The following HPSE2 variants were observed in gnomAD, a reference collection of about 807,000 sequenced individuals.
HPSE2 encodes the protein heparanase 2 (inactive).
HPSE2 carries 38 observed loss-of-function variants against 60.5 expected under a neutral mutation model. The ratio of observed to expected loss-of-function variants is 0.63; its 90% CI spans 0.48 to 0.82. HPSE2 has a LOEUF of 0.82. Among genes scored for constraint, HPSE2 ranks in the 40% least tolerant of loss-of-function variants. HPSE2 has a pLI of 0.00. For synonymous variants in HPSE2, 295 were observed against 293.2 expected (o/e 1.01, Z -0.06); for missense variants, 713 against 740.4 (o/e 0.96, Z 0.43).
chr10:99,120,580 T>C (rs1844910991), intron 3 of HPSE2, among the ~76,000 whole-genome samples: 1 of 152,150 alleles, frequency 6.6e-6, no homozygotes, highest in Non-Finnish European at 1.5e-5. Context: ...TTCAAGTGAT[T>C]CTCCTACCTC....
Position 98,960,610 on chromosome 10 carries a change from C to G in HPSE2, c.610+183628G>C, listed in dbSNP as rs76355590. 5.0e-4 allele frequency among the ~76,000 whole-genome samples: 75 copies of G among 149,860 alleles called. 2 individuals are homozygous for G. In the East Asian group the frequency reaches 0.011, roughly 22 times the overall value. On this transcript the variant is annotated intron_variant, in intron 3 of 11. Transcript: ENST00000370552. ...CCTACTACCCCAAGGCAGAGCTAATCTATCCCTCCTCTATAATTCCACAGC... is the reference window on the plus strand; with the variant it reads ...CCTACTACCCCAAGGCAGAGCTAATGTATCCCTCCTCTATAATTCCACAGC...
At chr10:98,902,876 T>G (rs1448069403) in intron 3 of HPSE2, among the ~76,000 whole-genome samples, 1 of 152,040 alleles carries the variant, frequency 6.6e-6, no homozygotes, top group African/African-American at 2.4e-5. Context: ...GGTGACAAAT[T>G]TCCTCAAATG....
intron 9 of HPSE2, among the ~76,000 whole-genome samples, chr10:98,585,332 C>T (rs1371838706): frequency 4.0e-5 from 6 of 149,386 alleles, no homozygotes; most frequent in African/African-American, 1.5e-4. Flanking sequence ...AGTACAGTGG[C>T]GTGATCTTGG....
chr10:98,653,357 T>G (rs1946969172), intron 6 of HPSE2, among the ~76,000 whole-genome samples: 1 of 152,174 alleles, frequency 6.6e-6, no homozygotes, highest in Non-Finnish European at 1.5e-5. Context: ...GAATGATGAT[T>G]GATATAGTTA....
chr10:98,687,494 C>G (rs772387206), intron 6 of HPSE2, among the ~76,000 whole-genome samples: 1 of 152,184 alleles, frequency 6.6e-6, no homozygotes, highest in Non-Finnish European at 1.5e-5. Context: ...AAGCTCCTTA[C>G]TTTAAAGTCA....
intron 3 of HPSE2, among the ~76,000 whole-genome samples, chr10:98,960,401 C>A (rs939573178): frequency 1.3e-4 from 19 of 151,958 alleles, no homozygotes; most frequent in Non-Finnish European, 1.5e-5. Context: ...ATTGTTTTTC[C>A]ATTTATAGTA....
intron 3 of HPSE2, chr10:99,048,390 A>G (rs1242307485): frequency 3.6e-6 from 1 of 280,988 alleles, no homozygotes; most frequent in East Asian, 9.5e-5. Flanking sequence ...AAGCAAGCAA[A>G]AACAATCCCA....
At chr10:98,571,340 C>T (rs1004009868) in intron 9 of HPSE2, among the ~76,000 whole-genome samples, 1 of 151,956 alleles carries the variant, frequency 6.6e-6, no homozygotes, top group African/African-American at 2.4e-5. Context: ...TCTATCTTTA[C>T]TACTACTACT....
chr10:99,272,693 G>C, the HPSE2 span, among the ~76,000 whole-genome samples: 1 of 152,096 alleles, frequency 6.6e-6, no homozygotes, highest in Non-Finnish European at 1.5e-5. Flanking sequence ...CTAATTATCA[G>C]GGAAATGCAA....
chr10:98,747,723 T>C (rs1012199623), intron 3 of HPSE2, among the ~76,000 whole-genome samples: 1 of 152,218 alleles, frequency 6.6e-6, no homozygotes, highest in Non-Finnish European at 1.5e-5. Flanking sequence ...ATACCATTTT[T>C]TGGCATCTCA....
At position 98,472,765 on chromosome 10, in the gene HPSE2, G is replaced by A. The variant is rs139062044; in HGVS notation, c.1613+9871C>T. 2.6e-5 allele frequency among the ~76,000 whole-genome samples: 4 copies of A among 152,274 alleles called. No individual in the cohort carries two copies. The East Asian group carries it at 5.8e-4, about 22-fold the overall frequency. Reference sequence around the variant, plus strand: ...TCATACACATATAAGTAGAATGGAAGAAAGGTAAACATATTTAACTATATA... The same window carrying A: ...TCATACACATATAAGTAGAATGGAAAAAAGGTAAACATATTTAACTATATA... On this transcript the variant is annotated intron_variant, in intron 11 of 11. Coordinates refer to ENST00000370552, the MANE Select transcript of HPSE2 (RefSeq NM_021828.5).
intron 3 of HPSE2, among the ~76,000 whole-genome samples, chr10:99,139,710 T>C (rs1564839218): frequency 6.6e-6 from 1 of 152,234 alleles, no homozygotes; most frequent in East Asian, 1.9e-4. Flanking sequence ...ATTTAAGATA[T>C]ATATATACAT....
chr10:98,609,352 G>A (rs1400991052), intron 9 of HPSE2, among the ~76,000 whole-genome samples: 1 of 152,182 alleles, frequency 6.6e-6, no homozygotes, highest in Non-Finnish European at 1.5e-5. Flanking sequence ...AAGTGTTTAC[G>A]AATAAGTGAA....
intron 3 of HPSE2, among the ~76,000 whole-genome samples, chr10:98,847,346 G>A (rs970647528): frequency 4.6e-5 from 7 of 152,066 alleles, no homozygotes; most frequent in African/African-American, 1.2e-4. Context: ...TCATATGGTC[G>A]CATTTAATGT....
intron 3 of HPSE2, among the ~76,000 whole-genome samples, chr10:99,129,820 AAAGAT>A (rs1168273545): frequency 1.7e-3 from 257 of 151,612 alleles, no homozygotes; most frequent in African/African-American, 6.1e-3. Context: ...AAAAAAAAAA[AAAGAT>A]AAAAGAAACA....
At chr10:99,076,267 A>T (rs758558341) in intron 3 of HPSE2, among the ~76,000 whole-genome samples, 103 of 152,136 alleles carry the variant, frequency 6.8e-4, no homozygotes, top group Non-Finnish European at 1.2e-3. Context: ...TTATAGTTAC[A>T]ATAATCTGTT....
At chr10:98,465,670 C>T (rs1348379139) in intron 11 of HPSE2, among the ~76,000 whole-genome samples, 4 of 152,170 alleles carry the variant, frequency 2.6e-5, no homozygotes, top group Non-Finnish European at 5.9e-5. Context: ...AGCTGGTGTT[C>T]ACCAGGATTA....
chr10:98,525,258 G>A (rs909977296), intron 9 of HPSE2, among the ~76,000 whole-genome samples: 6 of 152,138 alleles, frequency 3.9e-5, no homozygotes, highest in African/African-American at 1.2e-4. Context: ...AAATCTGCCC[G>A]CCTTGGCCTC....
chr10:98,747,690 G>A (rs184464587), intron 3 of HPSE2, among the ~76,000 whole-genome samples: 19 of 152,182 alleles, frequency 1.2e-4, no homozygotes, highest in Non-Finnish European at 2.6e-4. Context: ...AAGTGATTTC[G>A]ACTTTCTCTA....
Sources: allele counts gnomAD v4.1 joint callset (sites outside exome capture counted in the v4.1 genomes callset), GRCh38; gene constraint gnomAD v4.1.1; transcripts MANE v1.5; gene names NCBI Gene and HGNC (gene_info 2026-07-23, HGNC 2026-07-21).